Variants in RAB38 observed in about 807,000 individuals in gnomAD.
The protein encoded by RAB38 is ras-related protein Rab-38.
In RAB38, 15 loss-of-function variants were observed where a neutral mutation model predicts 18.4. The observed-to-expected ratio is 0.82, with a 90% confidence interval of 0.55 to 1.26. The LOEUF is 1.26. Among genes scored for constraint, RAB38 ranks in the 50% most tolerant of loss-of-function variants. The pLI, the probability that RAB38 is intolerant of heterozygous loss-of-function variation, is 0.00. For missense variants in RAB38, 294 were observed against 267.4 expected, an observed-to-expected ratio of 1.10 and a Z score of -0.69; for synonymous variants, 101 against 104.4, an observed-to-expected ratio of 0.97 and a Z score of 0.20.
the RAB38 span, among the ~76,000 whole-genome samples, chr11:87,840,239 C>A: frequency 6.6e-6 from 1 of 152,140 alleles, no homozygotes; most frequent in Admixed American, 6.6e-5. Context: ...AGATGGCTTA[C>A]TGAAGTTTTT....
the RAB38 span, among the ~76,000 whole-genome samples, chr11:88,034,075 C>G: frequency 2.0e-5 from 3 of 152,160 alleles, no homozygotes; most frequent in Non-Finnish European, 4.4e-5. Context: ...TCCGCAACAC[C>G]TGGCAACCAC....
At chr11:87,966,525 C>T in the RAB38 span, among the ~76,000 whole-genome samples, 1 of 152,034 alleles carries the variant, frequency 6.6e-6, no homozygotes, top group Non-Finnish European at 1.5e-5. Context: ...GCAGCAATGC[C>T]TTAAATGCAA....
At position 88,175,213 on chromosome 11, in the gene RAB38, C is replaced by T. The variant is rs776377105; in HGVS notation, c.172G>A (p.Val58Met). Residue 58 changes from valine (V) to methionine (M), a missense_variant, in exon 1 of 3, where the codon GTG (valine) becomes ATG (methionine). By Grantham distance (21) the Val-to-Met change is conservative (BLOSUM62 1). Coordinates refer to ENST00000243662, the MANE Select transcript of RAB38 (RefSeq NM_022337.3). The part of the protein sequence containing the change: ...LKVLHWDPET[V>M]VRLQLWDIAG... ...ATATCCCAGAGCTGCAGGCGCACCA[C>T]AGTCTCCGGGTCCCAGTGGAGCACC... 6.2e-7 allele frequency: 1 copy of T among 1,613,334 alleles called. No homozygotes were observed. Among genetic ancestry groups the T allele is most frequent in the Non-Finnish European group, 8.5e-7 (1 of 1,179,664 alleles).
At chr11:88,063,771 T>C in the RAB38 span, among the ~76,000 whole-genome samples, 1 of 152,184 alleles carries the variant, frequency 6.6e-6, no homozygotes, top group Non-Finnish European at 1.5e-5. Flanking sequence ...TTGCCTGCCA[T>C]CATGTAAGAT....
the RAB38 span, among the ~76,000 whole-genome samples, chr11:87,825,530 G>A: frequency 0.022 from 3,280 of 152,168 alleles, 110 homozygotes; most frequent in African/African-American, 0.075. Flanking sequence ...CTCTTGGAAG[G>A]AAACCAGTGC....
the RAB38 span, among the ~76,000 whole-genome samples, chr11:87,964,712 AG>A: frequency 6.6e-6 from 1 of 152,106 alleles, no homozygotes; most frequent in African/African-American, 2.4e-5. Context: ...CTAATGGGCT[AG>A]GAAAAAAAAA....
chr11:88,171,880 A>C (rs1033548527), intron 1 of RAB38, among the ~76,000 whole-genome samples: 2 of 152,096 alleles, frequency 1.3e-5, no homozygotes, highest in African/African-American at 4.8e-5. Flanking sequence ...TTTTTTAAAA[A>C]CTCTATAAAT....
chr11:88,079,355 T>G, the RAB38 span, among the ~76,000 whole-genome samples: 1 of 151,782 alleles, frequency 6.6e-6, no homozygotes, highest in Non-Finnish European at 1.5e-5. Flanking sequence ...TCACACAAAG[T>G]ATCATAGCTC....
chr11:87,896,431 A>G, the RAB38 span, among the ~76,000 whole-genome samples: 15 of 151,776 alleles, frequency 9.9e-5, no homozygotes, highest in South Asian at 3.1e-3. Context: ...ATCTAGGAGA[A>G]AGAAAACTGT....
the RAB38 span, among the ~76,000 whole-genome samples, chr11:87,805,741 A>G: frequency 6.6e-6 from 1 of 152,106 alleles, no homozygotes; most frequent in Non-Finnish European, 1.5e-5. Context: ...ACACACATAC[A>G]TATATACACA....
At chr11:87,955,145 C>CATG in the RAB38 span, among the ~76,000 whole-genome samples, 2 of 152,132 alleles carry the variant, frequency 1.3e-5, no homozygotes. Context: ...ACAAGAAGTC[C>CATG]ATGAAAGCCA....
chr11:87,928,941 C>T, the RAB38 span, among the ~76,000 whole-genome samples: 3 of 151,936 alleles, frequency 2.0e-5, no homozygotes, highest in Non-Finnish European at 4.4e-5. Flanking sequence ...ATGGTGAAAC[C>T]CTATCTCTAC....
At chr11:88,040,832 C>T in the RAB38 span, among the ~76,000 whole-genome samples, 5 of 152,160 alleles carry the variant, frequency 3.3e-5, no homozygotes, top group Non-Finnish European at 7.3e-5. Context: ...TAAAACTCAG[C>T]CTATAACACT....
At chr11:88,136,513 T>C in intron 2 of RAB38, among the ~76,000 whole-genome samples, 1 of 152,246 alleles carries the variant, frequency 6.6e-6, no homozygotes, top group Non-Finnish European at 1.5e-5. Flanking sequence ...GAAGCCACTC[T>C]GCCCAGGGTT....
the RAB38 span, among the ~76,000 whole-genome samples, chr11:87,919,223 G>A: frequency 1.3e-5 from 2 of 151,942 alleles, no homozygotes; most frequent in Admixed American, 6.6e-5. Flanking sequence ...CTATGCATCT[G>A]TTGAGTATGA....
chr11:88,113,889 T>C lies in RAB38; in HGVS notation c.*99A>G. On this transcript the variant is annotated 3_prime_UTR_variant, in exon 3 of 3. Coordinates refer to ENST00000243662, the MANE Select transcript of RAB38 (RefSeq NM_022337.3). ...GCATAGATCTTTGGCTTGCCACATG[T>C]GGTATCTCTATCCTGACGTTTACCC... is the stretch of plus-strand genomic sequence containing the variant. 2 of 1,401,978 alleles carry C rather than the reference T, an allele frequency of 1.4e-6. No homozygotes were observed. Among genetic ancestry groups the C allele is most frequent in the Admixed American group, 1.9e-5 (1 of 53,092 alleles). 86.8% of individuals were successfully genotyped at this position (1,401,978 alleles called of 1,614,324 possible). A position where few individuals can be genotyped will look rare whatever the true frequency, so the allele number is the denominator to read the frequency against.
chr11:88,024,894 A>T, the RAB38 span, among the ~76,000 whole-genome samples: 3 of 142,288 alleles, frequency 2.1e-5, no homozygotes, highest in Non-Finnish European at 4.7e-5. Context: ...GGAGATGGAG[A>T]TGATTAATGG....
At chr11:87,847,129 G>T in the RAB38 span, among the ~76,000 whole-genome samples, 1 of 151,832 alleles carries the variant, frequency 6.6e-6, no homozygotes, top group African/African-American at 2.4e-5. Context: ...GAATAACAAA[G>T]TAAGTAGAAG....
chr11:87,922,595 T>G, the RAB38 span, among the ~76,000 whole-genome samples: 2 of 151,760 alleles, frequency 1.3e-5, no homozygotes. Flanking sequence ...AGTCATCTTA[T>G]GGAGATTTTC....
Sources: allele counts gnomAD v4.1 joint callset (sites outside exome capture counted in the v4.1 genomes callset), GRCh38; gene constraint gnomAD v4.1.1; transcripts MANE v1.5; gene names NCBI Gene and HGNC (gene_info 2026-07-23, HGNC 2026-07-21).